The following SYN3 variants were observed in gnomAD, a reference collection of about 807,000 sequenced individuals.
The protein encoded by SYN3 is synapsin-3.
In SYN3, 35 loss-of-function variants were observed where a neutral mutation model predicts 65.8. That is an observed-to-expected ratio of 0.53 (90% confidence interval 0.41 to 0.70). The LOEUF is 0.70. Ranked by LOEUF, SYN3 falls within the 30% of genes least tolerant of loss-of-function variation. The pLI is 0.00. For missense variants in SYN3, 680 were observed against 749.0 expected (o/e 0.91, Z 1.08); for synonymous variants, 270 against 292.9 (o/e 0.92, Z 0.80).
Position 33,028,012 on chromosome 22 carries a change from G to C in SYN3, c.-162-21188C>G, listed in dbSNP as rs73162087. On this transcript the variant is annotated intron_variant, in intron 1 of 13. Coordinates refer to ENST00000358763, the MANE Select transcript of SYN3 (RefSeq NM_003490.4). The stretch of plus-strand genomic sequence containing the variant: ...GAAGGCTGAGGCACAGGGAGATGAA[G>C]TGCCTTCCCCAAGGCTGTGTGTCTA... Among the ~76,000 whole-genome samples, 881 of 152,304 alleles carry C rather than the reference G, an allele frequency of 5.8e-3. 7 individuals carry two copies. Among genetic ancestry groups the C allele is most frequent in the South Asian group, 0.028 (135 of 4,826 alleles).
intron 6 of SYN3, among the ~76,000 whole-genome samples, chr22:32,609,030 A>G (rs1367472875): frequency 6.6e-6 from 1 of 151,918 alleles, no homozygotes; most frequent in Non-Finnish European, 1.5e-5. Flanking sequence ...TTATTTTTAA[A>G]GTTATTAAAT....
At chr22:32,854,690 C>T (rs1433797937) in intron 6 of SYN3, among the ~76,000 whole-genome samples, 3 of 152,138 alleles carry the variant, frequency 2.0e-5, no homozygotes, top group Admixed American at 6.5e-5. Context: ...AAGTCATCAT[C>T]GTGACTCTAC....
chr22:32,978,382 G>C (rs2052271375), intron 3 of SYN3, among the ~76,000 whole-genome samples: 1 of 152,110 alleles, frequency 6.6e-6, no homozygotes, highest in Non-Finnish European at 1.5e-5. Context: ...ACTCTTCATT[G>C]AGAGAGAGAA....
At chr22:32,757,759 A>G (rs949773372) in intron 6 of SYN3, among the ~76,000 whole-genome samples, 2 of 152,192 alleles carry the variant, frequency 1.3e-5, no homozygotes, top group Non-Finnish European at 2.9e-5. Flanking sequence ...ATCTCTTAGT[A>G]TTACCATGCC....
chr22:32,838,049 T>A (rs2047785371), intron 6 of SYN3, among the ~76,000 whole-genome samples: 1 of 152,226 alleles, frequency 6.6e-6, no homozygotes, highest in South Asian at 2.1e-4. Context: ...GTCTGCTGCA[T>A]GCTCCTGTGG....
chr22:32,687,441 G>A (rs1250150992), intron 6 of SYN3, among the ~76,000 whole-genome samples: 2 of 36 alleles, frequency 0.056, no homozygotes, highest in Non-Finnish European at 0.083. Flanking sequence ...TGGGATTACA[G>A]GCATGAGCAC....
At chr22:32,776,107 G>T (rs1011342096) in intron 6 of SYN3, among the ~76,000 whole-genome samples, 2 of 152,184 alleles carry the variant, frequency 1.3e-5, no homozygotes, top group African/African-American at 4.8e-5. Context: ...AGGCCAGGCA[G>T]ATGGCAGCAG....
chr22:32,823,703 CTAA>C (rs1211041719), intron 6 of SYN3, among the ~76,000 whole-genome samples: 3 of 151,998 alleles, frequency 2.0e-5, no homozygotes, highest in Non-Finnish European at 1.5e-5. Flanking sequence ...TCCCATGGTG[CTAA>C]TAATAGGCCG....
chr22:32,802,207 C>T, intron 6 of SYN3: 1 of 1,507,570 alleles, frequency 6.6e-7, no homozygotes, highest in Admixed American at 2.0e-5. Context: ...AGCCCCACTC[C>T]TTTCCTCTGC....
chr22:32,548,619 G>T (rs1007745775), intron 7 of SYN3, among the ~76,000 whole-genome samples: 6 of 151,694 alleles, frequency 4.0e-5, no homozygotes, highest in Non-Finnish European at 7.4e-5. Context: ...TGATCCGCCC[G>T]CCTCGGCCTC....
chr22:32,643,564 G>GGAGGA (rs2059937022), intron 6 of SYN3, among the ~76,000 whole-genome samples: 1 of 95,584 alleles, frequency 1.0e-5, no homozygotes, highest in Admixed American at 1.1e-4. Flanking sequence ...GGGCGGGGGG[G>GGAGGA]GCAGAACAGA....
intron 1 of SYN3, among the ~76,000 whole-genome samples, chr22:33,028,651 G>GGTGGTGGTC (rs1305624154): frequency 9.6e-5 from 10 of 104,190 alleles, no homozygotes; most frequent in African/African-American, 1.2e-4. Flanking sequence ...TGATGGTGGT[G>GGTGGTGGTC]GTGGTGGTGG....
intron 6 of SYN3, among the ~76,000 whole-genome samples, chr22:32,633,708 G>C (rs905585250): frequency 4.6e-5 from 7 of 152,056 alleles, no homozygotes; most frequent in African/African-American, 1.4e-4. Flanking sequence ...CTGCAGCCTC[G>C]ACCTCCCAGG....
At chr22:32,749,412 C>T (rs186209443) in intron 6 of SYN3, among the ~76,000 whole-genome samples, 272 of 151,210 alleles carry the variant, frequency 1.8e-3, no homozygotes, top group African/African-American at 6.3e-3. Flanking sequence ...GAGGCCAAGG[C>T]GGGTGAATCG....
At chr22:32,988,153 A>T (rs549125693) in intron 2 of SYN3, among the ~76,000 whole-genome samples, 1,899 of 151,924 alleles carry the variant, frequency 0.012, 29 homozygotes, top group African/African-American at 0.042. Context: ...CTAAAAATAC[A>T]AAAATTAGCC....
At chr22:32,637,135 C>T (rs1052322537) in intron 6 of SYN3, among the ~76,000 whole-genome samples, 9 of 152,150 alleles carry the variant, frequency 5.9e-5, no homozygotes, top group Non-Finnish European at 1.2e-4. Flanking sequence ...GGGAGGAAGA[C>T]GGTTGTGCCT....
At chr22:33,029,653 C>G (rs2053715161) in intron 1 of SYN3, among the ~76,000 whole-genome samples, 1 of 152,112 alleles carries the variant, frequency 6.6e-6, no homozygotes, top group African/African-American at 2.4e-5. Context: ...CCCAAAATGA[C>G]ACAACTAGTA....
At chr22:32,815,297 G>T (rs533980283) in intron 6 of SYN3, among the ~76,000 whole-genome samples, 19 of 152,328 alleles carry the variant, frequency 1.2e-4, no homozygotes, top group Non-Finnish European at 2.8e-4. Flanking sequence ...GGGAACCCAT[G>T]TGCGGTGACA....
intron 4 of SYN3, among the ~76,000 whole-genome samples, chr22:32,909,869 T>C (rs1176014799): frequency 1.3e-5 from 2 of 152,132 alleles, no homozygotes; most frequent in African/African-American, 4.8e-5. Context: ...TCGGTCGGCC[T>C]GGGACTGGGG....
Sources: gnomAD v4.1 joint callset for allele counts (sites outside exome capture counted in the v4.1 genomes callset) on GRCh38, gnomAD v4.1.1 for gene constraint, MANE v1.5 for transcripts, NCBI Gene and HGNC (gene_info 2026-07-23, HGNC 2026-07-21) for gene names.